Variants in GLRA1 observed in about 807,000 individuals in gnomAD.
The protein encoded by GLRA1 is glycine receptor alpha 1, also known as glycine receptor subunit alpha-1.
Under a neutral mutation model 48.3 loss-of-function variants are expected in GLRA1, and 37 were observed. The observed-to-expected ratio is 0.77, with a 90% confidence interval of 0.59 to 1.01. The LOEUF (loss-of-function observed/expected upper bound fraction) is 1.01, where lower values mean the gene tolerates loss of function less well. Among genes scored for constraint, GLRA1 ranks in the 50% least tolerant of loss-of-function variants. The probability of loss-of-function intolerance (pLI) is 0.00; values close to 1 mark genes in which losing one functional copy is unlikely to be tolerated. For missense variants in GLRA1, 427 were observed against 571.0 expected (o/e 0.75, Z 2.57); for synonymous variants, 196 against 210.7 (o/e 0.93, Z 0.60).
intron 1 of GLRA1, among the ~76,000 whole-genome samples, chr5:151,907,762 A>T (rs1055199060): frequency 6.6e-6 from 1 of 152,186 alleles, no homozygotes; most frequent in Non-Finnish European, 1.5e-5. Context: ...TTTGGTTTGG[A>T]TTGCAGCCCC....
At chr5:151,882,742 C>G (rs1463906610) in intron 3 of GLRA1, among the ~76,000 whole-genome samples, 1 of 148,010 alleles carries the variant, frequency 6.8e-6, no homozygotes, top group East Asian at 2.0e-4. Context: ...TTTTTTAGAT[C>G]TGAGAGTTTT....
At chr5:151,878,755 G>A (rs1389078866) in intron 3 of GLRA1, among the ~76,000 whole-genome samples, 1 of 152,170 alleles carries the variant, frequency 6.6e-6, no homozygotes, top group Non-Finnish European at 1.5e-5. Flanking sequence ...TGAGCCTGCG[G>A]GTGCACAGAA....
chr5:151,849,153 T>TTTCCTTC (rs375546011), intron 7 of GLRA1: 13 of 76,234 alleles, frequency 1.7e-4, no homozygotes, highest in African/African-American at 9.1e-4. Flanking sequence ...TCTTTCTTTC[T>TTTCCTTC]TTTCTTTTCT....
At chr5:151,850,169 G>A in intron 7 of GLRA1, 1 of 1,603,582 alleles carries the variant, frequency 6.2e-7, no homozygotes, top group Non-Finnish European at 8.5e-7. Flanking sequence ...ACTGCAGTGT[G>A]GGAGCAGGCA....
intron 3 of GLRA1, among the ~76,000 whole-genome samples, chr5:151,877,790 A>G (rs1344366104): frequency 6.6e-6 from 1 of 152,188 alleles, no homozygotes; most frequent in Non-Finnish European, 1.5e-5. Flanking sequence ...ACTTTCTGCC[A>G]TGATTGTGAG....
chr5:151,911,971 G>A (rs1372244488), intron 1 of GLRA1, among the ~76,000 whole-genome samples: 1 of 152,186 alleles, frequency 6.6e-6, no homozygotes, highest in Non-Finnish European at 1.5e-5. Flanking sequence ...ATTAGGCAAT[G>A]ACAGCTGGAA....
intron 1 of GLRA1, among the ~76,000 whole-genome samples, chr5:151,915,791 C>A (rs1160504297): frequency 1.3e-5 from 2 of 151,326 alleles, no homozygotes. Flanking sequence ...AGGTCATTAT[C>A]AAAGGGGATC....
At chr5:151,854,685 A>C (rs777562072) in intron 6 of GLRA1, among the ~76,000 whole-genome samples, 1 of 152,192 alleles carries the variant, frequency 6.6e-6, no homozygotes, top group Non-Finnish European at 1.5e-5. Flanking sequence ...TATTGTGAGC[A>C]TTCTCTCTAC....
rs998487339 is a variant in GLRA1, at chr5:151,849,756, G to A, written c.912+1634C>T. 9 of 449,892 alleles carry A rather than the reference G, an allele frequency of 2.0e-5. No homozygotes were observed. In the Admixed American group the frequency reaches 3.6e-4, roughly 18 times the overall value. The allele number at this position is 449,892 out of a possible 1,614,324, so 27.9% of individuals were successfully genotyped here. ...TTTAGTAGAGACGTGGTTTCACTAT[G>A]TTGGCCAGGCTGGTCTCCAACTCCT... On this transcript the variant is annotated intron_variant, in intron 7 of 8. Coordinates refer to ENST00000274576, the MANE Select transcript of GLRA1 (RefSeq NM_000171.4).
intron 3 of GLRA1, among the ~76,000 whole-genome samples, chr5:151,871,815 C>T (rs1263684486): frequency 6.7e-6 from 1 of 149,690 alleles, no homozygotes; most frequent in Non-Finnish European, 1.5e-5. Flanking sequence ...CTGCCTGCCT[C>T]GGCCTCCCAA....
chr5:151,847,931 G>C (rs1253502784), intron 7 of GLRA1, among the ~76,000 whole-genome samples: 1 of 152,192 alleles, frequency 6.6e-6, no homozygotes, highest in Non-Finnish European at 1.5e-5. Flanking sequence ...AGCAGAATGT[G>C]TATCTGACAT....
chr5:151,896,108 C>G (rs1000878803), intron 1 of GLRA1, among the ~76,000 whole-genome samples: 1 of 152,188 alleles, frequency 6.6e-6, no homozygotes, highest in African/African-American at 2.4e-5. Context: ...TCATCCCATA[C>G]CATTTGGTAT....
At chr5:151,844,158 A>T (rs1480963492) in intron 7 of GLRA1, among the ~76,000 whole-genome samples, 3 of 137,636 alleles carry the variant, frequency 2.2e-5, no homozygotes, top group Admixed American at 7.2e-5. Context: ...TGACAGAGTG[A>T]GACTATGTCT....
intron 3 of GLRA1, among the ~76,000 whole-genome samples, chr5:151,862,239 C>T (rs4546367): frequency 0.45 from 67,744 of 151,778 alleles, 15,560 homozygotes; most frequent in African/African-American, 0.56. Context: ...TATAGAAAGC[C>T]GAAACTGGAT....
intron 7 of GLRA1, among the ~76,000 whole-genome samples, chr5:151,843,515 C>T (rs1028111570): frequency 6.6e-5 from 10 of 152,066 alleles, no homozygotes; most frequent in Non-Finnish European, 1.2e-4. Context: ...CCCACCTCAG[C>T]CTCCCAAAGT....
intron 1 of GLRA1, among the ~76,000 whole-genome samples, chr5:151,917,224 C>A (rs186207899): frequency 6.6e-6 from 1 of 152,126 alleles, no homozygotes; most frequent in East Asian, 1.9e-4. Context: ...CTTCTGGGTG[C>A]GCTTTGGAAA....
intron 1 of GLRA1, among the ~76,000 whole-genome samples, chr5:151,897,856 G>A (rs1754260118): frequency 6.6e-6 from 1 of 152,188 alleles, no homozygotes; most frequent in Non-Finnish European, 1.5e-5. Context: ...TAGGTATGAT[G>A]TATTATGTAT....
At chr5:151,827,957 T>C (rs1763319749) in intron 8 of GLRA1, among the ~76,000 whole-genome samples, 1 of 152,210 alleles carries the variant, frequency 6.6e-6, no homozygotes, top group Non-Finnish European at 1.5e-5. Context: ...ACTTATTGCA[T>C]GCTCACTATA....
At chr5:151,844,078 A>C (rs1271596819) in intron 7 of GLRA1, among the ~76,000 whole-genome samples, 2 of 149,616 alleles carry the variant, frequency 1.3e-5, no homozygotes, top group African/African-American at 4.9e-5. Context: ...GCTGAGGCAG[A>C]AGAATCGCTT....
Sources: gnomAD v4.1 joint callset for allele counts (sites outside exome capture counted in the v4.1 genomes callset) on GRCh38, gnomAD v4.1.1 for gene constraint, MANE v1.5 for transcripts, NCBI Gene and HGNC (gene_info 2026-07-23, HGNC 2026-07-21) for gene names.